DACT1: variants seen among roughly 807,000 people sequenced by gnomAD.
The protein encoded by DACT1 is dishevelled binding antagonist of beta catenin 1.
A neutral mutation model predicts 35.3 loss-of-function variants in DACT1; 19 were observed. The ratio of observed to expected loss-of-function variants is 0.54; its 90% CI spans 0.38 to 0.79. DACT1 has a LOEUF of 0.79. DACT1 is among the 30% of genes least tolerant of loss of function. The pLI is 0.00. For missense variants in DACT1, 1,143 were observed against 1,057.5 expected (o/e 1.08, Z -1.12); for synonymous variants, 545 against 466.7 (o/e 1.17, Z -2.16).
intron 3 of DACT1, among the ~76,000 whole-genome samples, chr14:58,643,333 G>A (rs1320137475): frequency 6.6e-6 from 1 of 152,222 alleles, no homozygotes; most frequent in African/African-American, 2.4e-5. Flanking sequence ...AAAATATGAA[G>A]ATTAGAATTG....
At chr14:58,642,601 A>G (rs986440986) in intron 3 of DACT1, among the ~76,000 whole-genome samples, 3 of 151,980 alleles carry the variant, frequency 2.0e-5, no homozygotes, top group Non-Finnish European at 2.9e-5. Context: ...GGCTGAGGCA[A>G]TAGAATCACT....
At chr14:58,639,337 A>G in intron 1 of DACT1, 1 of 875,742 alleles carries the variant, frequency 1.1e-6, no homozygotes, top group Non-Finnish European at 1.4e-6. Flanking sequence ...GGGAAGAAAA[A>G]GAACTTTGTA....
upstream of DACT1, among the ~76,000 whole-genome samples, chr14:58,636,047 ATAAAGAATAGATAACC>A (rs1412939483): frequency 2.0e-5 from 3 of 152,236 alleles, no homozygotes; most frequent in African/African-American, 7.2e-5. Flanking sequence ...AACAGCAGGC[ATAAAGAATAGATAACC>A]TGAAGAGAAT....
At chr14:58,638,749 G>A (rs2047599753) in intron 1 of DACT1, 2 of 1,194,194 alleles carry the variant, frequency 1.7e-6, no homozygotes, top group Admixed American at 4.3e-5. Context: ...CGTTTCTGGC[G>A]TGTGCCCGCT....
In DACT1 at chr14:58,646,966, C is replaced by T. The variant is rs766731519; in HGVS notation, c.2232C>T (p.Gly744=). The T allele has an allele frequency of 1.2e-6, 2 of 1,614,180 alleles. No individual in the cohort carries two copies. Among genetic ancestry groups the T allele is most frequent in the African/African-American group, 1.3e-5 (1 of 75,046 alleles). Reference sequence around the variant, plus strand: ...CCAGCGACTCTGAAGAAAGCGGGGGCTTAATTTGGTCCCAGTTTGTCCAGA... The same window carrying T: ...CCAGCGACTCTGAAGAAAGCGGGGGTTTAATTTGGTCCCAGTTTGTCCAGA... ...TTTSDSEESG[G]LIWSQFVQTL... Residue 744 remains glycine, a synonymous_variant, in exon 4 of 4, where the codon GGC becomes GGT. Coordinates refer to ENST00000395153, the MANE Select transcript of DACT1 (RefSeq NM_001079520.2).
intron 2 of DACT1, 58 bp from the exon 3 acceptor site, chr14:58,641,534 C>T (rs2047626722): frequency 1.1e-5 from 17 of 1,524,278 alleles, no homozygotes; most frequent in South Asian, 7.2e-5. Flanking sequence ...TCCTGTTAAG[C>T]GTGAATATGC....
At position 58,646,371 on chromosome 14, in the gene DACT1, G is replaced by A; in HGVS notation, c.1637G>A (p.Ser546Asn). Residue 546 changes from serine to asparagine, a missense_variant, in exon 4 of 4, where the codon AGC becomes AAC. Physicochemically the swap from Ser to Asn is conservative, Grantham distance 46. Transcript: ENST00000395153. ...AACATGGGCGTCGTGAAGAACTCCAGCCTGAAGCACCGCGGCCCAGCCCTC... is the reference window on the plus strand; with the variant it reads ...AACATGGGCGTCGTGAAGAACTCCAACCTGAAGCACCGCGGCCCAGCCCTC... ...HRNMGVVKNS[S>N]LKHRGPALQG... 6.2e-7 allele frequency: 1 copy of A among 1,605,234 alleles called. No individual in the cohort carries two copies. The highest frequency in any genetic ancestry group is 8.5e-7 in the Non-Finnish European group (1 of 1,177,924).
chr14:58,638,026 G>T lies in DACT1; in HGVS notation c.-177G>T. The T allele has an allele frequency of 3.6e-6, 2 of 548,438 alleles. No individual in the cohort carries two copies. The highest frequency in any genetic ancestry group is 4.0e-5 in the African/African-American group (2 of 50,032). 34.0% of individuals were successfully genotyped at this position (548,438 alleles called of 1,614,324 possible). A position where few individuals can be genotyped will look rare whatever the true frequency, so the allele number is the denominator to read the frequency against. ...CAGCGGACGGCGCTGCCCGGGCCGG[G>T]ACAGCAGCAGCCGGCGGTCGCGCGC... On this transcript the variant is annotated 5_prime_UTR_variant, in exon 1 of 4. Transcript: ENST00000395153.
chr14:58,643,184 TTCTCA>T (rs1433093991), intron 3 of DACT1, among the ~76,000 whole-genome samples: 2 of 152,232 alleles, frequency 1.3e-5, no homozygotes, highest in African/African-American at 4.8e-5. Flanking sequence ...GTTTTCAACC[TTCTCA>T]TCTAACAGAA....
intron 1 of DACT1, 94 bp downstream of exon 1, chr14:58,638,641 T>TG (rs1340194389): frequency 1.6e-6 from 2 of 1,245,032 alleles, no homozygotes; most frequent in Non-Finnish European, 2.0e-6. Context: ...TGACTCTGGC[T>TG]GGGGAGATGC....
At position 58,646,685 on chromosome 14, in the gene DACT1, G is replaced by C. The variant is rs2047690317; in HGVS notation, c.1951G>C (p.Glu651Gln). The C allele has an allele frequency of 6.2e-7, 1 of 1,612,784 alleles. No homozygotes were observed. The highest frequency in any genetic ancestry group is 8.5e-7 in the Non-Finnish European group (1 of 1,179,896). The change falls in exon 4 of 4, where the codon GAA becomes CAA. Residue 651 changes from glutamate to glutamine, a missense_variant. Physicochemically the swap from Glu to Gln is conservative, Grantham distance 29. Coordinates refer to ENST00000395153, the MANE Select transcript of DACT1 (RefSeq NM_001079520.2). ...RWKSSAEISY[E>Q]EALRRARRGR... is the part of the protein sequence containing the mutation. ...GAAGTCCTCGGCCGAGATTTCCTAC[G>C]AAGAGGCCCTGAGGAGGGCCCGGCG...
rs771524719 is a variant in DACT1 at position 58,646,424 on chromosome 14, G to T, written c.1690G>T (p.Val564Phe). 1.3e-6 allele frequency: 2 copies of T among 1,597,206 alleles called. No homozygotes were observed. Among genetic ancestry groups the T allele is most frequent in the Admixed American group, 3.7e-5 (2 of 54,446 alleles). Residue 564 changes from valine (V) to phenylalanine (F), a missense_variant, in exon 4 of 4, where the codon GTC becomes TTC. By Grantham distance (50) the Val-to-Phe change is conservative. This residue lies in a region of DACT1 where 1,054 missense variants were observed against 958.8 expected (regional missense o/e 1.10). Coordinates refer to ENST00000395153, the MANE Select transcript of DACT1 (RefSeq NM_001079520.2). The stretch of plus-strand genomic sequence containing the variant: ...GGGGCTGGAGAACGGCTTGCCCACC[G>T]TCAGGGAGAAAACGCGGGCCGGGAG... Reference protein sequence around the residue: ...LQGLENGLPTVREKTRAGSKK... With the variant: ...LQGLENGLPTFREKTRAGSKK...
In DACT1 at chr14:58,646,334, C is replaced by CGGGGCCACA. The variant is rs748254117; in HGVS notation, c.1603_1611dup (p.Gly535_Arg537dup). On this transcript the variant is annotated inframe_insertion, in exon 4 of 4. Transcript: ENST00000395153. ...GCAGCAGCCCAGTGTCAGGCTCCAC[C>CGGGGCCACA]GGGGCCACAGGAACATGGGCGTCGT... The CGGGGCCACA allele has an allele frequency of 5.0e-6, 8 of 1,609,100 alleles. No individual in the cohort carries two copies. The highest frequency in any genetic ancestry group is 5.9e-6 in the Non-Finnish European group (7 of 1,178,822).
In DACT1 at chr14:58,646,450, CAAG is replaced by C. The variant is rs1308849745; in HGVS notation, c.1720_1722del (p.Lys574del). ...TCAGGGAGAAAACGCGGGCCGGGAG[CAAG>C]AAGTGTCGCTTCCCAGATGACTTGG... On this transcript the variant is annotated inframe_deletion, in exon 4 of 4. Transcript: ENST00000395153. The C allele has an allele frequency of 1.9e-6, 3 of 1,582,868 alleles. No homozygotes were observed. The highest frequency in any genetic ancestry group is 2.6e-6 in the Non-Finnish European group (3 of 1,167,662).
In DACT1 at chr14:58,645,494, C is replaced by T. The variant is rs375963448; in HGVS notation, c.760C>T (p.Pro254Ser). The change falls in exon 4 of 4, where the codon CCT becomes TCT. Residue 254 changes from proline (P) to serine (S), a missense_variant. Pro to Ser is a moderately conservative substitution (Grantham distance 74, BLOSUM62 -1). Coordinates refer to ENST00000395153, the MANE Select transcript of DACT1 (RefSeq NM_001079520.2). ...GTTTCTCCTTTGTCTGACGGGCAAC[C>T]CTCTGAGGGAAGAGGACAGGCTTGG... ...PMFLLCLTGN[P>S]LREEDRLGNH... is the part of the protein sequence containing the mutation. 13 of 1,614,066 alleles carry T rather than the reference C, an allele frequency of 8.1e-6. No individual in the cohort carries two copies. Among genetic ancestry groups the T allele is most frequent in the Admixed American group, 1.7e-5 (1 of 60,004 alleles).
chr14:58,635,803 A>C (rs757513269), upstream of DACT1, among the ~76,000 whole-genome samples: 3 of 152,168 alleles, frequency 2.0e-5, no homozygotes, highest in African/African-American at 7.2e-5. Context: ...CAACTATACA[A>C]ATATAGTTGT....
chr14:58,637,813 G>A (rs1220742146), upstream of DACT1, among the ~76,000 whole-genome samples: 1 of 151,738 alleles, frequency 6.6e-6, no homozygotes, highest in Non-Finnish European at 1.5e-5. Context: ...CGAGCGAGGA[G>A]GAGGCGGCTC....
Position 58,645,839 on chromosome 14 carries a change from C to T in DACT1, c.1105C>T (p.Pro369Ser), listed in dbSNP as rs1486631326. The T allele has an allele frequency of 6.2e-7, 1 of 1,614,162 alleles. No homozygotes were observed. Among genetic ancestry groups the T allele is most frequent in the Non-Finnish European group, 8.5e-7 (1 of 1,180,062 alleles). The change falls in exon 4 of 4, where the codon CCT becomes TCT. Residue 369 changes from proline to serine, a missense_variant. Coordinates refer to ENST00000395153, the MANE Select transcript of DACT1 (RefSeq NM_001079520.2). Reference protein sequence around the residue: ...KQACLPSGGIPSLNNGTFSPP... With the variant: ...KQACLPSGGISSLNNGTFSPP... ...GGCGTGTCTGCCCTCTGGCGGGATA[C>T]CTTCTCTGAACAATGGGACATTCTC...
upstream of DACT1, among the ~76,000 whole-genome samples, chr14:58,636,688 A>T (rs1183456629): frequency 6.6e-6 from 1 of 152,156 alleles, no homozygotes; most frequent in East Asian, 1.9e-4. Context: ...TATAGGATGC[A>T]CTCTTTCACA....
Sources: gnomAD v4.1 joint callset for allele counts (sites outside exome capture counted in the v4.1 genomes callset) on GRCh38, gnomAD v4.1.1 for gene constraint, gnomAD v4.1.1 regional missense constraint, MANE v1.5 for transcripts, NCBI Gene and HGNC (gene_info 2026-07-23, HGNC 2026-07-21) for gene names.